Variants in CSTPP1 observed in about 807,000 individuals in gnomAD.
The protein encoded by CSTPP1 is centriolar satellite-associated tubulin polyglutamylase complex regulator 1, also known as UPF0705 protein C11orf49.
At chr11:46,975,174 G>T in the CSTPP1 span, among the ~76,000 whole-genome samples, 1 of 151,934 alleles carries the variant, frequency 6.6e-6, no homozygotes, top group Non-Finnish European at 1.5e-5. Flanking sequence ...CTGCTCAGGA[G>T]GCTGAGATAG....
chr11:46,966,459 A>G, the CSTPP1 span, among the ~76,000 whole-genome samples: 2 of 152,268 alleles, frequency 1.3e-5, no homozygotes, highest in East Asian at 1.9e-4. Flanking sequence ...TTCATGTGAA[A>G]GCTTGACTTT....
At chr11:47,029,899 ACCAG>A in the CSTPP1 span, among the ~76,000 whole-genome samples, 1 of 149,972 alleles carries the variant, frequency 6.7e-6, no homozygotes, top group Non-Finnish European at 1.5e-5. Context: ...GGAGTTCAAG[ACCAG>A]CCTGGGCAAC....
the CSTPP1 span, among the ~76,000 whole-genome samples, chr11:47,140,279 T>G: frequency 6.6e-6 from 1 of 152,174 alleles, no homozygotes; most frequent in Non-Finnish European, 1.5e-5. Context: ...CAAAGGAGAT[T>G]TGGATATTTT....
chr11:46,974,857 AACACACACACACACACACAC>A, the CSTPP1 span, among the ~76,000 whole-genome samples: 20 of 144,132 alleles, frequency 1.4e-4, no homozygotes, highest in African/African-American at 4.1e-4. Context: ...TCTATCTCAA[AACACACACACACACACACAC>A]ACACACACAC....
At chr11:47,052,311 C>G in the CSTPP1 span, 3 of 1,521,074 alleles carry the variant, frequency 2.0e-6, no homozygotes, top group Admixed American at 2.1e-5. Flanking sequence ...GTGGTTCTCT[C>G]TGGTCTCAAT....
the CSTPP1 span, among the ~76,000 whole-genome samples, chr11:47,038,948 G>C: frequency 1.6e-5 from 2 of 122,168 alleles, no homozygotes; most frequent in Non-Finnish European, 4.0e-5. Flanking sequence ...AGGATGGGCC[G>C]CCGGGCAGAG....
the CSTPP1 span, among the ~76,000 whole-genome samples, chr11:47,017,034 G>C: frequency 6.8e-6 from 1 of 147,908 alleles, no homozygotes; most frequent in African/African-American, 2.5e-5. Context: ...TGTATTTTTA[G>C]TAGAGATGAG....
chr11:47,118,216 C>A, the CSTPP1 span, among the ~76,000 whole-genome samples: 2 of 152,118 alleles, frequency 1.3e-5, no homozygotes, highest in African/African-American at 4.8e-5. Flanking sequence ...CAATCACTGA[C>A]ACCCTTTCTT....
the CSTPP1 span, among the ~76,000 whole-genome samples, chr11:47,044,253 C>G: frequency 2.6e-5 from 4 of 152,190 alleles, no homozygotes; most frequent in African/African-American, 9.6e-5. Flanking sequence ...TCCCAAAATG[C>G]TGGGATTACA....
At chr11:47,128,826 C>T in the CSTPP1 span, among the ~76,000 whole-genome samples, 48 of 152,198 alleles carry the variant, frequency 3.2e-4, no homozygotes, top group East Asian at 8.1e-3. Flanking sequence ...AATCCTTTGC[C>T]GAAGTCAGAC....
At chr11:47,057,062 A>G in the CSTPP1 span, among the ~76,000 whole-genome samples, 5 of 152,326 alleles carry the variant, frequency 3.3e-5, no homozygotes, top group Admixed American at 1.3e-4. Context: ...ACAGGATATG[A>G]TATCTTTTCT....
At chr11:47,035,639 C>A in the CSTPP1 span, among the ~76,000 whole-genome samples, 4 of 152,192 alleles carry the variant, frequency 2.6e-5, no homozygotes, top group South Asian at 8.3e-4. Context: ...TGAATGGCAC[C>A]ATGTATGGTC....
the CSTPP1 span, among the ~76,000 whole-genome samples, chr11:47,055,066 G>A: frequency 2.7e-5 from 4 of 150,652 alleles, no homozygotes; most frequent in South Asian, 6.3e-4. Flanking sequence ...TCAAGTAGCT[G>A]GGAATATATT....
At chr11:47,125,322 G>A in the CSTPP1 span, among the ~76,000 whole-genome samples, 5 of 152,054 alleles carry the variant, frequency 3.3e-5, no homozygotes, top group South Asian at 8.3e-4. Context: ...GGATTCTGAC[G>A]AGAAAACAGG....
At chr11:47,032,745 G>T in the CSTPP1 span, among the ~76,000 whole-genome samples, 1 of 151,992 alleles carries the variant, frequency 6.6e-6, no homozygotes, top group African/African-American at 2.4e-5. Context: ...TCTATTTTAT[G>T]CTACTTTTTG....
At chr11:47,101,193 T>TTTTTTTTTTTTTTTTTTTTG in the CSTPP1 span, among the ~76,000 whole-genome samples, 1 of 122,606 alleles carries the variant, frequency 8.2e-6, no homozygotes, top group African/African-American at 3.3e-5. Flanking sequence ...TTTTTTTATT[T>TTTTTTTTTTTTTTTTTTTTG]TATTTTTAGT....
the CSTPP1 span, among the ~76,000 whole-genome samples, chr11:46,978,075 GTTTGT>G: frequency 1.3e-5 from 2 of 152,234 alleles, no homozygotes; most frequent in Non-Finnish European, 2.9e-5. Context: ...AGTGGATACA[GTTTGT>G]ATGTTCATTA....
the CSTPP1 span, among the ~76,000 whole-genome samples, chr11:46,969,537 A>G: frequency 6.6e-6 from 1 of 152,216 alleles, no homozygotes; most frequent in Non-Finnish European, 1.5e-5. Context: ...ACATATGTTT[A>G]CCAAAAAACT....
At chr11:46,996,960 C>T in the CSTPP1 span, among the ~76,000 whole-genome samples, 17 of 152,288 alleles carry the variant, frequency 1.1e-4, no homozygotes, top group African/African-American at 3.8e-4. Flanking sequence ...GCGGGTAACC[C>T]GACCTTTCCC....
Sources: allele counts gnomAD v4.1 joint callset (sites outside exome capture counted in the v4.1 genomes callset), GRCh38; gene constraint gnomAD v4.1.1; transcripts MANE v1.5; gene names NCBI Gene and HGNC (gene_info 2026-07-23, HGNC 2026-07-21).